The following RSU1 variants were observed in gnomAD, a reference collection of about 807,000 sequenced individuals.
RSU1 encodes the protein Ras suppressor protein 1, also known as rsu-1.
RSU1 carries 26 observed loss-of-function variants against 31.1 expected under a neutral mutation model. The observed-to-expected ratio is 0.84, with a 90% CI of 0.61 to 1.16. The LOEUF is 1.16. RSU1 is among the 50% of genes most tolerant of loss of function. The pLI is 0.00. For missense variants in RSU1, 320 were observed against 339.1 expected, an observed-to-expected ratio of 0.94 and a Z score of 0.44; for synonymous variants, 164 against 136.3, an observed-to-expected ratio of 1.20 and a Z score of -1.41.
At chr10:16,712,923 A>T (rs1038306406) in intron 7 of RSU1, among the ~76,000 whole-genome samples, 1 of 152,256 alleles carries the variant, frequency 6.6e-6, no homozygotes, top group East Asian at 1.9e-4. Flanking sequence ...TTGTCTGAAA[A>T]GGTCTTATTT....
At chr10:16,691,080 T>A (rs188624540) in intron 8 of RSU1, among the ~76,000 whole-genome samples, 1 of 151,718 alleles carries the variant, frequency 6.6e-6, no homozygotes, top group East Asian at 1.9e-4. Context: ...GAATGTGAAA[T>A]TTGCTTTTTT....
intron 7 of RSU1, among the ~76,000 whole-genome samples, chr10:16,707,397 T>C (rs1835929081): frequency 6.6e-6 from 1 of 152,166 alleles, no homozygotes; most frequent in African/African-American, 2.4e-5. Flanking sequence ...CCTTATTTTC[T>C]CTTTTTAACA....
intron 8 of RSU1, among the ~76,000 whole-genome samples, chr10:16,622,362 A>C (rs764708434): frequency 6.6e-6 from 1 of 152,238 alleles, no homozygotes; most frequent in Non-Finnish European, 1.5e-5. Context: ...GCTTGTAACA[A>C]TATATTCAGG....
In RSU1 at chr10:16,694,996, TATTTCAGAAAATC is replaced by T. The variant is rs1259751879; in HGVS notation, c.731+14_731+26del. On this transcript the variant is annotated intron_variant, in intron 8 of 8. Transcript: ENST00000345264. ...TAAATACTATAAAATCACAGTCTAC[TATTTCAGAAAATC>T]AGAGTCTACTTACTATTTGTATGTC... The T allele has an allele frequency of 1.4e-5, 22 of 1,592,692 alleles. No individual in the cohort carries two copies. The highest frequency in any genetic ancestry group is 1.9e-5 in the Non-Finnish European group (22 of 1,167,722).
intron 4 of RSU1, among the ~76,000 whole-genome samples, chr10:16,757,477 T>TCCACGACTATCTACTG (rs1343233583): frequency 6.6e-6 from 1 of 152,076 alleles, no homozygotes; most frequent in Non-Finnish European, 1.5e-5. Flanking sequence ...CAAAACTACC[T>TCCACGACTATCTACTG]CCACGACTAT....
chr10:16,748,960 C>T (rs954961832), intron 7 of RSU1, among the ~76,000 whole-genome samples: 10 of 152,188 alleles, frequency 6.6e-5, no homozygotes, highest in Admixed American at 2.0e-4. Context: ...ATCAGTCACG[C>T]GTGTTCTGTC....
At chr10:16,711,996 T>C (rs951184075) in intron 7 of RSU1, among the ~76,000 whole-genome samples, 4 of 152,226 alleles carry the variant, frequency 2.6e-5, no homozygotes, top group Admixed American at 2.0e-4. Flanking sequence ...ATCATGTTTG[T>C]TTTGTACATC....
At position 16,752,556 on chromosome 10, in the gene RSU1, ACGGTGAGG is replaced by A. The variant is rs777244156; in HGVS notation, c.573_580del (p.Leu192SerfsTer41). On this transcript the variant is annotated frameshift_variant, in exon 7 of 9. Transcript: ENST00000345264. LOFTEE classifies it high-confidence loss of function. ...AACCTTACCTAGTTCTGGGGGCAGA[ACGGTGAGG>A]CGGTTCCCCTGAATGTGGAGCTCTT... 6.2e-7 allele frequency: 1 copy of A among 1,613,932 alleles called. No homozygotes were observed. The highest frequency in any genetic ancestry group is 1.1e-5 in the South Asian group (1 of 91,076).
At chr10:16,689,012 G>GAAA (rs34750489) in intron 8 of RSU1, among the ~76,000 whole-genome samples, 1 of 123,312 alleles carries the variant, frequency 8.1e-6, no homozygotes, top group African/African-American at 3.0e-5. Flanking sequence ...TGTCCCTAAG[G>GAAA]AAAAAAAAAA....
chr10:16,756,205 G>A lies in RSU1; in HGVS notation c.282-1216C>T, dbSNP rs10904800. ...GGAGGGAGGGGGAATGGAGAGGTGTGGTTTAATGGGCGTAGGATTCAGGTT... is the reference window on the plus strand; with the variant it reads ...GGAGGGAGGGGGAATGGAGAGGTGTAGTTTAATGGGCGTAGGATTCAGGTT... On this transcript the variant is annotated intron_variant, in intron 4 of 8. Transcript: ENST00000345264. Among the ~76,000 whole-genome samples, 19 of 152,034 alleles carry A rather than the reference G, an allele frequency of 1.2e-4. No homozygotes were observed. The South Asian group carries it at 2.5e-3, about 20-fold the overall frequency.
intron 7 of RSU1, among the ~76,000 whole-genome samples, chr10:16,752,272 T>A (rs1428163574): frequency 6.6e-6 from 1 of 152,198 alleles, no homozygotes; most frequent in Non-Finnish European, 1.5e-5. Flanking sequence ...CTTTTCCCAC[T>A]ACATCACGCA....
chr10:16,618,500 C>T (rs1834017103), intron 8 of RSU1, among the ~76,000 whole-genome samples: 2 of 152,226 alleles, frequency 1.3e-5, no homozygotes, highest in African/African-American at 2.4e-5. Flanking sequence ...GATTATAAAT[C>T]ATTCTACTAT....
rs74541103 is a variant in RSU1, at chr10:16,797,523, G to A, written c.110-15439C>T. 7.1e-3 allele frequency among the ~76,000 whole-genome samples: 1,078 copies of A among 152,240 alleles called. 13 individuals carry two copies. The highest frequency in any genetic ancestry group is 0.022 in the African/African-American group (934 of 41,542). ...AAATATTGGGAGCAAATCCCATAAC[G>A]TTATTATGGAATAAAAGGAAAAAGA... On this transcript the variant is annotated intron_variant, in intron 2 of 8. Coordinates refer to ENST00000345264, the MANE Select transcript of RSU1 (RefSeq NM_012425.4).
rs1833515058 is a variant in RSU1, at chr10:16,592,052, GTTGT to G, written c.*1338_*1341del. On this transcript the variant is annotated 3_prime_UTR_variant, in exon 9 of 9. Coordinates refer to ENST00000345264, the MANE Select transcript of RSU1 (RefSeq NM_012425.4). ...CTGTTTCCTAAGTAACTCAGAACTTGTTGTTTGATTTTGATTTTTGACTTTTTTA... is the reference window on the plus strand; with the variant it reads ...CTGTTTCCTAAGTAACTCAGAACTTGTTGATTTTGATTTTTGACTTTTTTA... 6.6e-6 allele frequency: 1 copy of G among 151,934 alleles called. No homozygotes were observed. The highest frequency in any genetic ancestry group is 2.4e-5 in the African/African-American group (1 of 41,216). 9.4% of individuals were successfully genotyped at this position (151,934 alleles called of 1,614,324 possible). A position where few individuals can be genotyped will look rare whatever the true frequency, so the allele number is the denominator to read the frequency against.
chr10:16,639,181 A>G (rs954540686), intron 8 of RSU1, among the ~76,000 whole-genome samples: 2 of 152,230 alleles, frequency 1.3e-5, no homozygotes, highest in African/African-American at 4.8e-5. Flanking sequence ...TGCTAATAAA[A>G]CTGTGGCTAC....
At chr10:16,594,685 GTA>G (rs1423717368) in intron 8 of RSU1, among the ~76,000 whole-genome samples, 1 of 144,544 alleles carries the variant, frequency 6.9e-6, no homozygotes, top group African/African-American at 2.5e-5. Flanking sequence ...TATATTATCT[GTA>G]TATTATATGT....
At chr10:16,662,753 A>G (rs1024095658) in intron 8 of RSU1, among the ~76,000 whole-genome samples, 7 of 152,196 alleles carry the variant, frequency 4.6e-5, no homozygotes, top group Admixed American at 2.0e-4. Flanking sequence ...GATCACTCAT[A>G]TGCTAATTCA....
chr10:16,634,151 G>T (rs1358225838), intron 8 of RSU1, among the ~76,000 whole-genome samples: 2 of 152,208 alleles, frequency 1.3e-5, no homozygotes. Context: ...AACAGAGAAA[G>T]ATTTATAGCA....
chr10:16,699,718 G>A (rs902659177), intron 7 of RSU1, among the ~76,000 whole-genome samples: 4 of 152,308 alleles, frequency 2.6e-5, no homozygotes, highest in South Asian at 2.1e-4. Flanking sequence ...CTACAGACAC[G>A]CTGGCTGGCT....
Sources: gnomAD v4.1 joint callset for allele counts (sites outside exome capture counted in the v4.1 genomes callset) on GRCh38, gnomAD v4.1.1 for gene constraint, MANE v1.5 for transcripts, NCBI Gene and HGNC (gene_info 2026-07-23, HGNC 2026-07-21) for gene names.